Variants in ZNF620 observed in about 807,000 individuals in gnomAD.
ZNF620 encodes zinc finger protein 620.
A neutral mutation model predicts 13.3 loss-of-function variants in ZNF620; 10 were observed. That is an observed-to-expected ratio of 0.75 (90% CI 0.46 to 1.28). The LOEUF is 1.28. Among genes scored for constraint, ZNF620 ranks in the 50% most tolerant of loss-of-function variants. The pLI is 0.00. For synonymous variants in ZNF620, 166 were observed against 177.6 expected (o/e 0.93, Z 0.52); for missense variants, 461 against 500.2 (o/e 0.92, Z 0.75).
In ZNF620 at chr3:40,516,245, T is replaced by C. The variant is rs746739947; in HGVS notation, c.651T>C (p.Cys217=). 6.2e-7 allele frequency: 1 copy of C among 1,613,982 alleles called. No individual in the cohort carries two copies. Among genetic ancestry groups the C allele is most frequent in the African/African-American group, 1.3e-5 (1 of 74,936 alleles). ...CAGACTTCCACCGACATGAGAAATG[T>C]CACACTGGTGAAAAGTCTTTTGAAT... ...QMADFHRHEK[C]HTGEKSFECK... is the part of the protein sequence containing the mutation. The change falls in exon 5 of 5, where the codon TGT becomes TGC. Residue 217 remains cysteine, a synonymous_variant. Transcript: ENST00000314529.
intron 2 of ZNF620, among the ~76,000 whole-genome samples, 200 bp from the exon 3 acceptor site, chr3:40,511,270 G>T (rs1006882585): frequency 1.3e-5 from 2 of 152,092 alleles, no homozygotes; most frequent in African/African-American, 4.8e-5. Context: ...AGAGCTGTTT[G>T]CTGGGGATGA....
At chr3:40,507,089 G>GTTTTTTT (rs370195603) in intron 2 of ZNF620, among the ~76,000 whole-genome samples, 10 of 98,162 alleles carry the variant, frequency 1.0e-4, no homozygotes, top group South Asian at 4.0e-4. Context: ...TGACCATATG[G>GTTTTTTT]TTTTTTTTTT....
At chr3:40,515,126 T>G (rs1174616167) in intron 4 of ZNF620, among the ~76,000 whole-genome samples, 2 of 152,262 alleles carry the variant, frequency 1.3e-5, no homozygotes, top group East Asian at 3.8e-4. Context: ...ATGCACAACC[T>G]ATGAGACCTT....
At chr3:40,515,779 ATT>A (rs1012005764) in intron 4 of ZNF620, 79 bp from the exon 5 acceptor site, 12 of 1,283,196 alleles carry the variant, frequency 9.4e-6, no homozygotes, top group Admixed American at 2.8e-5. Context: ...CAGCACAGAT[ATT>A]GTGTGTGTGT....
rs1384614258 is a variant in ZNF620 at position 40,516,404 on chromosome 3, T to C, written c.810T>C (p.His270=). ...GTTCAGACACAGCCTTGATTCAGCA[T>C]CAGAGAATCCACACTGGAGAAAAGC... is the stretch of plus-strand genomic sequence containing the variant. ...GLSSDTALIQ[H]QRIHTGEKPY... is the part of the protein sequence containing the mutation. Residue 270 remains histidine, a synonymous_variant, in exon 5 of 5, where the codon CAT becomes CAC. Coordinates refer to ENST00000314529, the MANE Select transcript of ZNF620 (RefSeq NM_175888.4). The C allele has an allele frequency of 6.2e-7, 1 of 1,614,208 alleles. No individual in the cohort carries two copies. Among genetic ancestry groups the C allele is most frequent in the Non-Finnish European group, 8.5e-7 (1 of 1,180,030 alleles).
chr3:40,508,124 T>A (rs1006241778), intron 2 of ZNF620, among the ~76,000 whole-genome samples: 1 of 152,174 alleles, frequency 6.6e-6, no homozygotes, highest in African/African-American at 2.4e-5. Flanking sequence ...GGTTTATGAA[T>A]TTTATTAATT....
At chr3:40,511,746 A>G (rs942318319) in intron 3 of ZNF620, 150 bp downstream of exon 3, 1 of 990,552 alleles carries the variant, frequency 1.0e-6, no homozygotes, top group South Asian at 1.7e-5. Context: ...CAATGGCGCA[A>G]TCTCGGCTCA....
rs1698227638 is a variant in ZNF620, at chr3:40,512,392, C to T, written c.152-10C>T. On this transcript the variant is annotated splice_polypyrimidine_tract_variant and intron_variant, in intron 3 of 4. Coordinates refer to ENST00000314529, the MANE Select transcript of ZNF620 (RefSeq NM_175888.4). ...CCCTTACCTTTTCCTGTTTCTTTCT[C>T]CCTGGGCAGCATTCCCATTCACCAC... 6.2e-7 allele frequency: 1 copy of T among 1,612,796 alleles called. No individual in the cohort carries two copies. Among genetic ancestry groups the T allele is most frequent in the African/African-American group, 1.3e-5 (1 of 75,028 alleles).
intron 2 of ZNF620, chr3:40,508,917 C>G (rs551748919): frequency 4.1e-5 from 15 of 364,770 alleles, no homozygotes; most frequent in South Asian, 2.6e-4. Flanking sequence ...CATGCCTGGC[C>G]TTACAGTTTT....
At chr3:40,510,841 C>G (rs1698172148) in intron 2 of ZNF620, among the ~76,000 whole-genome samples, 1 of 152,118 alleles carries the variant, frequency 6.6e-6, no homozygotes, top group East Asian at 1.9e-4. Flanking sequence ...CTCGACCTCC[C>G]CGAGCTCAGG....
intron 2 of ZNF620, among the ~76,000 whole-genome samples, chr3:40,507,408 GA>G (rs1357392507): frequency 2.2e-4 from 33 of 152,244 alleles, no homozygotes; most frequent in African/African-American, 7.7e-4. Context: ...TTAATGTGGT[GA>G]ATTACATGAT....
In ZNF620 at chr3:40,516,577, G is replaced by C; in HGVS notation, c.983G>C (p.Arg328Pro). 2.5e-6 allele frequency: 4 copies of C among 1,614,192 alleles called. No homozygotes were observed. The highest frequency in any genetic ancestry group is 3.4e-6 in the Non-Finnish European group (4 of 1,180,040). Residue 328 changes from arginine to proline, a missense_variant, in exon 5 of 5, where the codon CGA becomes CCA. Transcript: ENST00000314529. Reference sequence around the variant, plus strand: ...AGCTCAAGTTTCACTGTCCATCAGCGAATGCACACTGGGGAGAAACCTTAT... The same window carrying C: ...AGCTCAAGTTTCACTGTCCATCAGCCAATGCACACTGGGGAGAAACCTTAT... ...SCSSSFTVHQ[R>P]MHTGEKPYEC...
At chr3:40,511,750 C>T (rs1013781495) in intron 3 of ZNF620, among the ~76,000 whole-genome samples, 154 bp downstream of exon 3, 17 of 151,592 alleles carry the variant, frequency 1.1e-4, no homozygotes, top group African/African-American at 3.4e-4. Context: ...GGCGCAATCT[C>T]GGCTCACTAC....
intron 2 of ZNF620, among the ~76,000 whole-genome samples, chr3:40,507,920 C>T (rs75724962): frequency 0.08 from 12,125 of 152,222 alleles, 1,399 homozygotes; most frequent in African/African-American, 0.26. Flanking sequence ...TGCATCACTA[C>T]GCCCAGCTTA....
At chr3:40,506,942 A>G (rs1353455331) in intron 2 of ZNF620, among the ~76,000 whole-genome samples, 1 of 152,052 alleles carries the variant, frequency 6.6e-6, no homozygotes, top group Non-Finnish European at 1.5e-5. Context: ...TGTTCACTGT[A>G]GGTTTCTTGC....
At chr3:40,509,018 TTCTTCAA>T (rs58291588) in intron 2 of ZNF620, among the ~76,000 whole-genome samples, 78,163 of 151,962 alleles carry the variant, frequency 0.51, 22,290 homozygotes, top group African/African-American at 0.77. Context: ...TTCTTGAAGG[TTCTTCAA>T]GCAATGTACT....
Position 40,512,528 on chromosome 3 carries a change from A to G in ZNF620, c.265+13A>G. ...GGTATCTGTCCAGGTGAGCATGAGA[A>G]CCCACTAGCTGCCTTTTTGGCTTGG... On this transcript the variant is annotated intron_variant, in intron 4 of 4. Transcript: ENST00000314529. 1 of 1,564,510 alleles carries G rather than the reference A, an allele frequency of 6.4e-7. No homozygotes were observed.
At chr3:40,513,986 G>C (rs1698294236) in intron 4 of ZNF620, among the ~76,000 whole-genome samples, 1 of 152,018 alleles carries the variant, frequency 6.6e-6, no homozygotes, top group Non-Finnish European at 1.5e-5. Flanking sequence ...GCAGACCTTG[G>C]TCTAGCGGTA....
intron 2 of ZNF620, among the ~76,000 whole-genome samples, chr3:40,509,215 T>C (rs1698124609): frequency 6.6e-6 from 1 of 152,052 alleles, no homozygotes; most frequent in African/African-American, 2.4e-5. Context: ...TTATTCTCTT[T>C]TTCTATTTTC....
Sources: gnomAD v4.1 joint callset for allele counts (sites outside exome capture counted in the v4.1 genomes callset) on GRCh38, gnomAD v4.1.1 for gene constraint, MANE v1.5 for transcripts, NCBI Gene and HGNC (gene_info 2026-07-23, HGNC 2026-07-21) for gene names.